The following GMDS variants were observed in gnomAD, a reference collection of about 807,000 sequenced individuals.
The protein encoded by GMDS is GDP-mannose 4,6-dehydratase.
In GMDS, 20 loss-of-function variants were observed where a neutral mutation model predicts 49.9. The observed-to-expected ratio is 0.40, with a 90% CI of 0.28 to 0.58. The LOEUF (loss-of-function observed/expected upper bound fraction) is 0.58, where lower values mean the gene tolerates loss of function less well. GMDS is among the 20% of genes least tolerant of loss of function. GMDS has a pLI of 0.42. For synonymous variants in GMDS, 177 were observed against 178.6 expected (o/e 0.99, Z 0.07); for missense variants, 362 against 481.4 (o/e 0.75, Z 2.32).
chr6:1,650,318 C>A (rs1007643075), intron 9 of GMDS, among the ~76,000 whole-genome samples: 4 of 151,764 alleles, frequency 2.6e-5, no homozygotes, highest in Non-Finnish European at 5.9e-5. Flanking sequence ...AAAAAAAAAA[C>A]CAACCATTAA....
chr6:1,634,370 G>T (rs1763080509), intron 9 of GMDS, among the ~76,000 whole-genome samples: 1 of 152,218 alleles, frequency 6.6e-6, no homozygotes, highest in Admixed American at 6.5e-5. Flanking sequence ...TGCCTGAAGT[G>T]AAGCTGTGAC....
At chr6:2,114,088 A>G (rs1774708370) in intron 4 of GMDS, among the ~76,000 whole-genome samples, 1 of 152,166 alleles carries the variant, frequency 6.6e-6, no homozygotes, top group South Asian at 2.1e-4. Flanking sequence ...AACTATAAAT[A>G]TGTTTTGGGG....
intron 4 of GMDS, among the ~76,000 whole-genome samples, chr6:2,051,945 C>T (rs139852283): frequency 0.017 from 2,604 of 151,860 alleles, 71 homozygotes; most frequent in African/African-American, 0.061. Context: ...GGTGAAACCC[C>T]ATCCCTACTA....
In GMDS at chr6:1,643,648, C is replaced by CG. The variant is rs1763400497; in HGVS notation, c.988-19109dup. ...GGTGGAGAGGTGACCACCTGGGCCA[C>CG]GGTGGGGGGGACACTGGGGACTGCT... is the stretch of plus-strand genomic sequence containing the variant. On this transcript the variant is annotated intron_variant, in intron 9 of 10. Coordinates refer to ENST00000380815, the MANE Select transcript of GMDS (RefSeq NM_001500.4). Among the ~76,000 whole-genome samples the CG allele has an allele frequency of 3.3e-5, 5 of 152,008 alleles. No homozygotes were observed. In the South Asian group the frequency reaches 8.3e-4, roughly 25 times the overall value.
chr6:1,802,994 T>C (rs1182078064), intron 7 of GMDS, among the ~76,000 whole-genome samples: 1 of 152,212 alleles, frequency 6.6e-6, no homozygotes, highest in Non-Finnish European at 1.5e-5. Flanking sequence ...ATTTAATAGC[T>C]GCGCTGATAA....
chr6:2,223,947 C>G (rs1780708859), intron 1 of GMDS, among the ~76,000 whole-genome samples: 2 of 152,106 alleles, frequency 1.3e-5, no homozygotes, highest in African/African-American at 2.4e-5. Flanking sequence ...TTAAGACACA[C>G]TAACCTGCAA....
chr6:2,184,247 A>G (rs1375879811), intron 1 of GMDS, among the ~76,000 whole-genome samples: 1 of 152,102 alleles, frequency 6.6e-6, no homozygotes, highest in Admixed American at 6.6e-5. Flanking sequence ...TTCTTTCACT[A>G]TTGGCTCCCT....
chr6:2,201,973 G>C (rs1365989418), intron 1 of GMDS, among the ~76,000 whole-genome samples: 2 of 134,144 alleles, frequency 1.5e-5, no homozygotes, highest in Non-Finnish European at 1.6e-5. Flanking sequence ...AGTGAGGGCA[G>C]CATGTTAGCA....
At chr6:1,702,008 T>C (rs1478562982) in intron 9 of GMDS, among the ~76,000 whole-genome samples, 1 of 152,140 alleles carries the variant, frequency 6.6e-6, no homozygotes. Context: ...GCGATGGGGG[T>C]GTGAGAGATT....
At chr6:1,878,926 A>G (rs1759231188) in intron 7 of GMDS, among the ~76,000 whole-genome samples, 1 of 152,182 alleles carries the variant, frequency 6.6e-6, no homozygotes, top group South Asian at 2.1e-4. Context: ...CATCAGCCTC[A>G]CCACTGGTGA....
At chr6:1,996,891 G>A (rs1766314926) in intron 4 of GMDS, among the ~76,000 whole-genome samples, 1 of 152,086 alleles carries the variant, frequency 6.6e-6, no homozygotes, top group Non-Finnish European at 1.5e-5. Context: ...AACCAACAGT[G>A]TTTTCCATAC....
chr6:1,847,877 G>C (rs1757481483), intron 7 of GMDS, among the ~76,000 whole-genome samples: 1 of 152,076 alleles, frequency 6.6e-6, no homozygotes, highest in African/African-American at 2.4e-5. Context: ...ACTTGGTGAG[G>C]GTGTACTGTC....
At chr6:2,182,911 T>C (rs1049273755) in intron 1 of GMDS, among the ~76,000 whole-genome samples, 2 of 152,186 alleles carry the variant, frequency 1.3e-5, no homozygotes, top group Admixed American at 6.5e-5. Context: ...TTTCGCCATG[T>C]TCCCCAGGTT....
chr6:1,998,541 G>A (rs896323344), intron 4 of GMDS, among the ~76,000 whole-genome samples: 8 of 152,078 alleles, frequency 5.3e-5, no homozygotes, highest in African/African-American at 1.7e-4. Flanking sequence ...TCAGCCCTTC[G>A]TATCCATAGG....
intron 9 of GMDS, among the ~76,000 whole-genome samples, chr6:1,680,462 C>CAT (rs372566521): frequency 2.0e-5 from 3 of 152,298 alleles, no homozygotes; most frequent in African/African-American, 4.8e-5. Flanking sequence ...TCCTCTTATA[C>CAT]CTCTGCCTTC....
intron 4 of GMDS, among the ~76,000 whole-genome samples, chr6:2,023,283 A>G (rs899078367): frequency 6.6e-6 from 1 of 152,254 alleles, no homozygotes; most frequent in Non-Finnish European, 1.5e-5. Context: ...CCATCTTTAC[A>G]TATACTCGAA....
intron 7 of GMDS, among the ~76,000 whole-genome samples, chr6:1,815,791 G>A (rs551681494): frequency 1.3e-5 from 2 of 152,256 alleles, no homozygotes; most frequent in African/African-American, 2.4e-5. Flanking sequence ...TACAGAGAGC[G>A]TGCTGTCGTT....
intron 4 of GMDS, among the ~76,000 whole-genome samples, chr6:2,018,807 G>A (rs534653696): frequency 6.6e-6 from 1 of 152,168 alleles, no homozygotes; most frequent in Non-Finnish European, 1.5e-5. Context: ...TCATGTACAG[G>A]TTTTTCTATG....
intron 9 of GMDS, among the ~76,000 whole-genome samples, chr6:1,719,854 C>T (rs555971995): frequency 8.5e-5 from 13 of 152,114 alleles, no homozygotes; most frequent in South Asian, 4.1e-4. Context: ...ACTTTTAAGA[C>T]GATAAAAAGA....
Sources: allele counts gnomAD v4.1 joint callset (sites outside exome capture counted in the v4.1 genomes callset), GRCh38; gene constraint gnomAD v4.1.1; transcripts MANE v1.5; gene names NCBI Gene and HGNC (gene_info 2026-07-23, HGNC 2026-07-21).